The following PTPRM variants were observed in gnomAD, a reference collection of about 807,000 sequenced individuals.
PTPRM encodes the protein protein tyrosine phosphatase receptor type M.
PTPRM carries 47 observed loss-of-function variants against 186.7 expected under a neutral mutation model. The ratio of observed to expected loss-of-function variants is 0.25; its 90% CI spans 0.20 to 0.32. The LOEUF (loss-of-function observed/expected upper bound fraction) is 0.32, where lower values mean the gene tolerates loss of function less well. Ranked by LOEUF, PTPRM falls within the 10% of genes least tolerant of loss-of-function variation. The probability of loss-of-function intolerance (pLI) is 1.00; values close to 1 mark genes in which losing one functional copy is unlikely to be tolerated. For missense variants in PTPRM, 1,494 were observed against 1,865.0 expected (o/e 0.80, Z 3.66); for synonymous variants, 668 against 674.9 (o/e 0.99, Z 0.16).
chr18:7,681,275 T>C (rs940696906), intron 1 of PTPRM, among the ~76,000 whole-genome samples: 5 of 152,180 alleles, frequency 3.3e-5, no homozygotes, highest in Non-Finnish European at 7.3e-5. Context: ...TTTAATCCTT[T>C]GGTAACTTTG....
Position 8,372,056 on chromosome 18 carries a change from C to CTTTTTTTTTTTTT in PTPRM, c.3171+1064_3171+1076dup, listed in dbSNP as rs557766971. 1.1e-3 allele frequency among the ~76,000 whole-genome samples: 64 copies of CTTTTTTTTTTTTT among 59,066 alleles called. 14 individuals carry two copies. Among genetic ancestry groups the CTTTTTTTTTTTTT allele is most frequent in the Non-Finnish European group, 2.1e-3 (54 of 26,308 alleles). 38.7% of individuals were successfully genotyped at this position (59,066 alleles called of 152,430 possible). A position where few individuals can be genotyped will look rare whatever the true frequency, so the allele number is the denominator to read the frequency against. On this transcript the variant is annotated intron_variant, in intron 24 of 32. Transcript: ENST00000580170. ...TTGGCCTTCCTCTCCACTCTATATTCTTTTTTTTTTTTTTTTTTTTTTTTT... is the reference window on the plus strand; with the variant it reads ...TTGGCCTTCCTCTCCACTCTATATTCTTTTTTTTTTTTTTTTTTTTTTTTTTTTTTTTTTTTTT...
intron 1 of PTPRM, among the ~76,000 whole-genome samples, chr18:7,694,567 C>T (rs1436392291): frequency 6.6e-6 from 1 of 151,862 alleles, no homozygotes; most frequent in Non-Finnish European, 1.5e-5. Flanking sequence ...GTTGGGATTA[C>T]AGGTACCCAC....
intron 15 of PTPRM, among the ~76,000 whole-genome samples, chr18:8,244,426 A>G (rs1417230485): frequency 1.3e-5 from 2 of 152,130 alleles, no homozygotes; most frequent in Admixed American, 1.3e-4. Context: ...AGAAAACCAC[A>G]GTGCAGTTTC....
intron 3 of PTPRM, among the ~76,000 whole-genome samples, chr18:7,900,073 G>T (rs2146484856): frequency 6.6e-6 from 1 of 152,312 alleles, no homozygotes; most frequent in South Asian, 2.1e-4. Flanking sequence ...TTGTTAATCA[G>T]AGTATTGATG....
intron 7 of PTPRM, among the ~76,000 whole-genome samples, chr18:7,994,294 A>T (rs2147672189): frequency 7.2e-6 from 1 of 139,440 alleles, no homozygotes; most frequent in East Asian, 2.0e-4. Flanking sequence ...ACACACACAC[A>T]CACCTAACAC....
intron 1 of PTPRM, among the ~76,000 whole-genome samples, chr18:7,768,646 A>AT (rs1448715623): frequency 2.1e-4 from 20 of 93,564 alleles, no homozygotes; most frequent in Middle Eastern, 5.1e-3. Flanking sequence ...ATATATATAT[A>AT]TATTTTTTTT....
At chr18:8,067,441 A>G (rs907854760) in intron 7 of PTPRM, among the ~76,000 whole-genome samples, 1 of 152,224 alleles carries the variant, frequency 6.6e-6, no homozygotes, top group African/African-American at 2.4e-5. Flanking sequence ...TAATTTTGTA[A>G]TAGGGAACAT....
At position 8,379,254 on chromosome 18, in the gene PTPRM, G is replaced by A. The variant is rs1008444411; in HGVS notation, c.3700G>A (p.Asp1234Asn). ...GAACCATGAGAAAAACCGGTGCATG[G>A]ACATCCTGCCCCCAGACCGCTGCCT... The part of the protein sequence containing the change: ...PRNHEKNRCM[D>N]ILPPDRCLPF... Residue 1234 changes from aspartate (D) to asparagine (N), a missense_variant, in exon 28 of 33, where the codon GAC (aspartate) becomes AAC (asparagine). Transcript: ENST00000580170. 3 of 1,614,124 alleles carry A rather than the reference G, an allele frequency of 1.9e-6. No homozygotes were observed. Among genetic ancestry groups the A allele is most frequent in the Admixed American group, 3.3e-5 (2 of 60,026 alleles).
At chr18:7,894,163 A>C (rs1218733096) in intron 3 of PTPRM, among the ~76,000 whole-genome samples, 1 of 152,332 alleles carries the variant, frequency 6.6e-6, no homozygotes, top group African/African-American at 2.4e-5. Context: ...TCAGAAATAC[A>C]AGTCATGCAA....
At chr18:7,865,302 G>A (rs964199003) in intron 2 of PTPRM, among the ~76,000 whole-genome samples, 2 of 148,990 alleles carry the variant, frequency 1.3e-5, no homozygotes, top group South Asian at 4.5e-4. Context: ...TTGCCCTTCA[G>A]TATGATATTG....
intron 10 of PTPRM, among the ~76,000 whole-genome samples, chr18:8,086,820 G>A (rs1435028816): frequency 3.3e-5 from 5 of 152,086 alleles, no homozygotes; most frequent in Non-Finnish European, 7.4e-5. Flanking sequence ...TTCTTTTTAA[G>A]CAATTATAAC....
rs111278543 is a variant in PTPRM at position 7,857,522 on chromosome 18, G to A, written c.197-30584G>A. On this transcript the variant is annotated intron_variant, in intron 2 of 32. Coordinates refer to ENST00000580170, the MANE Select transcript of PTPRM (RefSeq NM_001105244.2). ...AATGCATGATGATTTGCTGAAAGACGTATGAGAATACACCTGTGTTTACAT... is the reference window on the plus strand; with the variant it reads ...AATGCATGATGATTTGCTGAAAGACATATGAGAATACACCTGTGTTTACAT... Among the ~76,000 whole-genome samples, 441 of 152,242 alleles carry A rather than the reference G, an allele frequency of 2.9e-3. 3 individuals are homozygous for A. Among genetic ancestry groups the A allele is most frequent in the African/African-American group, 0.01 (416 of 41,552 alleles).
At chr18:7,707,088 A>C (rs1240134940) in intron 1 of PTPRM, among the ~76,000 whole-genome samples, 1 of 152,144 alleles carries the variant, frequency 6.6e-6, no homozygotes, top group Non-Finnish European at 1.5e-5. Flanking sequence ...ATAATGAAGG[A>C]GGTAGTTTTT....
At chr18:7,908,197 C>T (rs111802666) in intron 4 of PTPRM, among the ~76,000 whole-genome samples, 1 of 152,112 alleles carries the variant, frequency 6.6e-6, no homozygotes, top group East Asian at 1.9e-4. Flanking sequence ...ACCAGCAGTG[C>T]ATGGTAGCTT....
chr18:8,024,618 A>C (rs1480465674), intron 7 of PTPRM, among the ~76,000 whole-genome samples: 3 of 151,644 alleles, frequency 2.0e-5, no homozygotes, highest in African/African-American at 7.3e-5. Context: ...TGTTTCTGCA[A>C]ATCTCTCTCT....
At chr18:7,615,802 A>C (rs772227732) in intron 1 of PTPRM, among the ~76,000 whole-genome samples, 3 of 152,104 alleles carry the variant, frequency 2.0e-5, no homozygotes, top group Non-Finnish European at 4.4e-5. Context: ...CAAATATATA[A>C]CTCACCATAA....
intron 2 of PTPRM, among the ~76,000 whole-genome samples, chr18:7,779,098 A>G (rs755735930): frequency 6.6e-6 from 1 of 152,196 alleles, no homozygotes; most frequent in Non-Finnish European, 1.5e-5. Flanking sequence ...ATTCATCTAC[A>G]ATATTAAAAA....
intron 14 of PTPRM, among the ~76,000 whole-genome samples, chr18:8,226,339 T>A (rs1006528259): frequency 2.0e-5 from 3 of 149,934 alleles, no homozygotes; most frequent in Non-Finnish European, 3.0e-5. Flanking sequence ...GCTTTCTACA[T>A]TCTTATTAAC....
intron 7 of PTPRM, among the ~76,000 whole-genome samples, chr18:8,051,851 T>G (rs141136252): frequency 1.9e-4 from 29 of 152,342 alleles, no homozygotes; most frequent in African/African-American, 7.0e-4. Flanking sequence ...AATGCATTTT[T>G]CAAACCCTTT....
Sources: gnomAD v4.1 joint callset for allele counts (sites outside exome capture counted in the v4.1 genomes callset) on GRCh38, gnomAD v4.1.1 for gene constraint, MANE v1.5 for transcripts, NCBI Gene and HGNC (gene_info 2026-07-23, HGNC 2026-07-21) for gene names.